Variants in GREB1L observed in about 807,000 individuals in gnomAD.
The protein encoded by GREB1L is GREB1-like protein.
Under a neutral mutation model 200.8 loss-of-function variants are expected in GREB1L, and 17 were observed. The observed-to-expected ratio is 0.08, with a 90% CI of 0.06 to 0.13. The LOEUF (loss-of-function observed/expected upper bound fraction) is 0.13, where lower values mean the gene tolerates loss of function less well. Ranked by LOEUF, GREB1L falls within the 10% of genes least tolerant of loss-of-function variation. The pLI is 1.00. For missense variants in GREB1L, 1,657 were observed against 2,367.7 expected (o/e 0.70, Z 6.23); for synonymous variants, 789 against 893.0 (o/e 0.88, Z 2.08).
chr18:21,319,199 A>T (rs2038915680), intron 1 of GREB1L, among the ~76,000 whole-genome samples: 1 of 152,218 alleles, frequency 6.6e-6, no homozygotes, highest in Non-Finnish European at 1.5e-5. Flanking sequence ...TCCAGTTCCA[A>T]ATCTCACGCC....
Position 21,495,949 on chromosome 18 carries a change from CT to C in GREB1L, c.3146+173del, listed in dbSNP as rs200815978. Among the ~76,000 whole-genome samples the C allele has an allele frequency of 7.7e-3, 1,159 of 151,328 alleles. 13 individuals are homozygous for C. Among genetic ancestry groups the C allele is most frequent in the African/African-American group, 0.026 (1,085 of 41,310 alleles). ...TACAGCCATACAACCTTCTTTTATT[CT>C]TTTTTTTTAGCTTTCCAGAGAACAC... is the stretch of plus-strand genomic sequence containing the variant. On this transcript the variant is annotated intron_variant, in intron 20 of 32. Transcript: ENST00000424526.
At chr18:21,401,396 G>C in intron 6 of GREB1L, 70 bp downstream of exon 6, 1 of 1,286,066 alleles carries the variant, frequency 7.8e-7, no homozygotes, top group Non-Finnish European at 1.1e-6. Flanking sequence ...ACCCATACAA[G>C]ATTCAGAGTT....
chr18:21,384,540 C>G lies in GREB1L; in HGVS notation c.355+137C>G, dbSNP rs1405249185. ...GAGGAATGAGAAATGATTATGCTCT[C>G]ATTCACATTATCTCCTGTGACTTCA... On this transcript the variant is annotated intron_variant, in intron 4 of 32. Transcript: ENST00000424526. 1.5e-5 allele frequency: 10 copies of G among 686,418 alleles called. No homozygotes were observed. In the Admixed American group the frequency reaches 1.8e-4, roughly 13 times the overall value. The allele number at this position is 686,418 out of a possible 1,614,324, so 42.5% of individuals were successfully genotyped here. A position where few individuals can be genotyped will look rare whatever the true frequency, so the allele number is the denominator to read the frequency against.
chr18:21,318,057 G>C (rs2038898052), intron 1 of GREB1L, among the ~76,000 whole-genome samples: 1 of 143,070 alleles, frequency 7.0e-6, no homozygotes, highest in South Asian at 2.3e-4. Flanking sequence ...GCAGTGAGCT[G>C]AGATCATGCC....
At chr18:21,512,213 C>G (rs9962286) in intron 27 of GREB1L, among the ~76,000 whole-genome samples, 149,775 of 152,290 alleles carry the variant, frequency 0.98, 73,700 homozygotes, top group East Asian at 1. Flanking sequence ...ATAGATTTTT[C>G]TATTTCTGCA....
chr18:21,491,851 A>G (rs551768159), intron 19 of GREB1L, among the ~76,000 whole-genome samples: 4 of 152,310 alleles, frequency 2.6e-5, no homozygotes, highest in African/African-American at 7.2e-5. Flanking sequence ...AAATTGTCCA[A>G]AAAATAGAAA....
chr18:21,340,691 C>T (rs1412498273), intron 1 of GREB1L, among the ~76,000 whole-genome samples: 2 of 151,854 alleles, frequency 1.3e-5, no homozygotes, highest in East Asian at 2.0e-4. Context: ...TACAGGCGCA[C>T]GCCACCATGC....
At chr18:21,416,312 A>C (rs182474705) in intron 7 of GREB1L, among the ~76,000 whole-genome samples, 2 of 152,316 alleles carry the variant, frequency 1.3e-5, no homozygotes, top group Admixed American at 1.3e-4. Flanking sequence ...AAGCAGCCTA[A>C]TATACTAGTA....
intron 1 of GREB1L, among the ~76,000 whole-genome samples, chr18:21,351,843 A>G (rs1043108142): frequency 1.4e-4 from 21 of 151,222 alleles, no homozygotes; most frequent in Non-Finnish European, 7.4e-5. Context: ...ATTTTATTTT[A>G]TTTTATTTAT....
intron 1 of GREB1L, among the ~76,000 whole-genome samples, chr18:21,294,895 A>G (rs1450439388): frequency 6.6e-6 from 1 of 152,062 alleles, no homozygotes; most frequent in East Asian, 1.9e-4. Context: ...TCTCTTCACA[A>G]TATGTCTTTC....
At chr18:21,409,470 G>C (rs1292724107) in intron 7 of GREB1L, among the ~76,000 whole-genome samples, 2 of 152,194 alleles carry the variant, frequency 1.3e-5, no homozygotes, top group Non-Finnish European at 2.9e-5. Context: ...ACACAACTTG[G>C]TAAGGCTACT....
intron 2 of GREB1L, among the ~76,000 whole-genome samples, chr18:21,376,578 G>A (rs2040080575): frequency 6.6e-6 from 1 of 151,716 alleles, no homozygotes. Flanking sequence ...GCCAAGGTGG[G>A]CGGATCACGA....
intron 1 of GREB1L, among the ~76,000 whole-genome samples, chr18:21,255,252 T>A (rs1233186545): frequency 6.6e-6 from 1 of 152,248 alleles, no homozygotes; most frequent in African/African-American, 2.4e-5. Context: ...TGTACCTTGA[T>A]ATACATTATT....
intron 7 of GREB1L, among the ~76,000 whole-genome samples, chr18:21,404,894 C>T (rs2029993603): frequency 6.6e-6 from 1 of 152,218 alleles, no homozygotes; most frequent in African/African-American, 2.4e-5. Context: ...GTGTTAATCA[C>T]AAATTGAGAA....
intron 1 of GREB1L, among the ~76,000 whole-genome samples, chr18:21,356,706 A>G (rs1440619151): frequency 1.3e-5 from 2 of 152,162 alleles, no homozygotes; most frequent in African/African-American, 4.8e-5. Flanking sequence ...GAATTGCTGG[A>G]CCATATGGTA....
At chr18:21,399,684 A>G (rs1227191950) in intron 5 of GREB1L, among the ~76,000 whole-genome samples, 1 of 152,226 alleles carries the variant, frequency 6.6e-6, no homozygotes, top group African/African-American at 2.4e-5. Flanking sequence ...TTGCATGTCT[A>G]TAAAGTGGCG....
At chr18:21,430,130 A>C (rs2033021321) in intron 7 of GREB1L, among the ~76,000 whole-genome samples, 1 of 152,162 alleles carries the variant, frequency 6.6e-6, no homozygotes, top group Non-Finnish European at 1.5e-5. Flanking sequence ...TCATCTCATC[A>C]TAATTACCCC....
Position 21,395,410 on chromosome 18 carries a change from G to A in GREB1L, c.381G>A (p.Leu127=). ...TDGFCQAGKD[L]RLVSLCMEQI... ...GTTTTTGTCAAGCAGGAAAGGATTTGCGTTTGGTATCACTGTGTATGGAAC... is the reference window on the plus strand; with the variant it reads ...GTTTTTGTCAAGCAGGAAAGGATTTACGTTTGGTATCACTGTGTATGGAAC... Residue 127 remains leucine (L), a synonymous_variant, in exon 5 of 33, where the codon TTG becomes TTA. Coordinates refer to ENST00000424526, the MANE Select transcript of GREB1L (RefSeq NM_001142966.3). 6.5e-7 allele frequency: 1 copy of A among 1,549,738 alleles called. No homozygotes were observed. Among genetic ancestry groups the A allele is most frequent in the Non-Finnish European group, 8.7e-7 (1 of 1,146,466 alleles).
In GREB1L at chr18:21,290,671, A is replaced by G. The variant is rs142225749; in HGVS notation, c.-120+48278A>G. Among the ~76,000 whole-genome samples the G allele has an allele frequency of 9.9e-3, 1,514 of 152,216 alleles. 14 individuals carry two copies. Among genetic ancestry groups the G allele is most frequent in the Non-Finnish European group, 0.014 (962 of 68,020 alleles). ...AGGCCCGTCTCTACTAAAAAATACA[A>G]AAGTTGACTGGGTGTGGTGGCATGT... On this transcript the variant is annotated intron_variant, in intron 1 of 32. Coordinates refer to ENST00000424526, the MANE Select transcript of GREB1L (RefSeq NM_001142966.3).
Sources: allele counts gnomAD v4.1 joint callset (sites outside exome capture counted in the v4.1 genomes callset), GRCh38; gene constraint gnomAD v4.1.1; transcripts MANE v1.5; gene names NCBI Gene and HGNC (gene_info 2026-07-23, HGNC 2026-07-21).